The following CAMK2B variants were observed in gnomAD, a reference collection of about 807,000 sequenced individuals.
CAMK2B encodes calcium/calmodulin dependent protein kinase II beta.
CAMK2B carries 27 observed loss-of-function variants against 93.7 expected under a neutral mutation model. The observed-to-expected ratio is 0.29, with a 90% CI of 0.21 to 0.40. CAMK2B has a LOEUF of 0.40. CAMK2B is among the 10% of genes least tolerant of loss of function. The pLI is 1.00. For synonymous variants in CAMK2B, 374 were observed against 358.8 expected (o/e 1.04, Z -0.48); for missense variants, 568 against 895.8 (o/e 0.63, Z 4.67).
At chr7:44,319,315 T>C (rs1795505980) in intron 1 of CAMK2B, among the ~76,000 whole-genome samples, 2 of 152,202 alleles carry the variant, frequency 1.3e-5, no homozygotes, top group Non-Finnish European at 2.9e-5. Context: ...ATTGCACACT[T>C]ATCTCCACCT....
At chr7:44,267,907 C>CGAGCCCTGG (rs1452580428) in intron 2 of CAMK2B, 1 of 152,230 alleles carries the variant, frequency 6.6e-6, no homozygotes, top group African/African-American at 2.4e-5. Context: ...CGGGGAATGC[C>CGAGCCCTGG]GAGCCCTGGG....
chr7:44,320,822 C>T (rs761019362), intron 1 of CAMK2B, among the ~76,000 whole-genome samples: 2 of 152,218 alleles, frequency 1.3e-5, no homozygotes, highest in Non-Finnish European at 2.9e-5. Context: ...CAACTCACCC[C>T]TTCCCCACCT....
At position 44,224,299 on chromosome 7, in the gene CAMK2B, G is replaced by T. The variant is rs2128876718; in HGVS notation, c.1597+2217C>A. On this transcript the variant is annotated intron_variant, in intron 20 of 23. Coordinates refer to ENST00000395749, the MANE Select transcript of CAMK2B (RefSeq NM_001220.5). The surrounding 1 kb of genome is among the most constrained non-coding windows in gnomAD (Gnocchi z 4.4). ...CACTCTGCCTCCCCACATAGCACAT[G>T]GGAGCTTTTGTGTCCTTGATATCCA... Among the ~76,000 whole-genome samples, 1 of 152,334 alleles carries T rather than the reference G, an allele frequency of 6.6e-6. No individual in the cohort carries two copies. Among genetic ancestry groups the T allele is most frequent in the East Asian group, 1.9e-4 (1 of 5,194 alleles).
chr7:44,239,450 C>A (rs1021758305), intron 13 of CAMK2B, 139 bp downstream of exon 13: 9 of 704,536 alleles, frequency 1.3e-5, no homozygotes, highest in Non-Finnish European at 1.9e-5. Context: ...TGTGACCACA[C>A]GGGAGCAGGG....
At chr7:44,243,162 G>T in intron 8 of CAMK2B, 88 bp downstream of exon 8, 1 of 981,508 alleles carries the variant, frequency 1.0e-6, no homozygotes, top group Non-Finnish European at 1.6e-6. Context: ...AGAGCAAGAC[G>T]TGCTGGCCAC....
At chr7:44,258,110 G>A (rs1258588314) in intron 4 of CAMK2B, among the ~76,000 whole-genome samples, 1 of 152,256 alleles carries the variant, frequency 6.6e-6, no homozygotes, top group African/African-American at 2.4e-5. Flanking sequence ...AAAAGTGAGG[G>A]AGATGAGATC....
intron 2 of CAMK2B, among the ~76,000 whole-genome samples, chr7:44,277,603 G>A (rs533624691): frequency 1.3e-5 from 2 of 152,186 alleles, no homozygotes; most frequent in South Asian, 2.1e-4. Flanking sequence ...CTCAAGGAGT[G>A]AGCGAGGCCC....
At chr7:44,237,987 C>A (rs546763322) in intron 13 of CAMK2B, among the ~76,000 whole-genome samples, 2 of 152,212 alleles carry the variant, frequency 1.3e-5, no homozygotes, top group South Asian at 2.1e-4. Context: ...GCACACTCGA[C>A]AGACGGGGTC....
intron 2 of CAMK2B, 82 bp downstream of exon 2, chr7:44,284,049 G>A (rs113397249): frequency 9.8e-7 from 1 of 1,015,454 alleles, no homozygotes; most frequent in Non-Finnish European, 1.5e-6. Context: ...GGAGGGGCCT[G>A]CTGCCCAGTC....
At chr7:44,222,560 C>T (rs997228487) in intron 20 of CAMK2B, among the ~76,000 whole-genome samples, 12 of 152,164 alleles carry the variant, frequency 7.9e-5, no homozygotes, top group Admixed American at 3.3e-4. Context: ...CTCAGCCTCC[C>T]GAGTAGCTGG....
intron 2 of CAMK2B, among the ~76,000 whole-genome samples, chr7:44,280,393 C>T (rs2097092903): frequency 6.6e-6 from 1 of 152,146 alleles, no homozygotes. Flanking sequence ...GTGGTGCTAC[C>T]TCACACGTAT....
intron 2 of CAMK2B, among the ~76,000 whole-genome samples, chr7:44,270,133 T>G (rs1278534359): frequency 6.7e-6 from 1 of 148,396 alleles, no homozygotes; most frequent in African/African-American, 2.5e-5. Flanking sequence ...AGACCCCCCA[T>G]GGGCCCATCA....
At chr7:44,241,181 C>T (rs181395846) in intron 11 of CAMK2B, among the ~76,000 whole-genome samples, 20 of 152,236 alleles carry the variant, frequency 1.3e-4, no homozygotes, top group African/African-American at 4.1e-4. Flanking sequence ...GTCCCCATCC[C>T]GGAACCCACA....
intron 6 of CAMK2B, among the ~76,000 whole-genome samples, chr7:44,244,602 C>T (rs963229659): frequency 2.6e-5 from 4 of 152,058 alleles, no homozygotes; most frequent in African/African-American, 9.7e-5. Context: ...ATCACACTGC[C>T]GCTTGATGAG....
In CAMK2B at chr7:44,244,551, G is replaced by A. The variant is rs558095716; in HGVS notation, c.415-1024C>T. On this transcript the variant is annotated intron_variant, in intron 6 of 23. Coordinates refer to ENST00000395749, the MANE Select transcript of CAMK2B (RefSeq NM_001220.5). The stretch of plus-strand genomic sequence containing the variant: ...ACCCCTTTGCCCTGGTGAGTACCCC[G>A]CTGTCCTGGCACTGCTTCCATCTGA... 7.2e-5 allele frequency among the ~76,000 whole-genome samples: 11 copies of A among 152,056 alleles called. No homozygotes were observed. The East Asian group carries it at 1.6e-3, about 21-fold the overall frequency.
chr7:44,230,714 G>GCA (rs2096571079), intron 17 of CAMK2B, among the ~76,000 whole-genome samples: 1 of 152,218 alleles, frequency 6.6e-6, no homozygotes, highest in Non-Finnish European at 1.5e-5. Context: ...CTGTTTCCCC[G>GCA]TGAGGGTCCT....
chr7:44,287,859 G>T (rs563539854), intron 1 of CAMK2B, among the ~76,000 whole-genome samples: 1 of 152,198 alleles, frequency 6.6e-6, no homozygotes, highest in African/African-American at 2.4e-5. Flanking sequence ...CCTTAGGTTA[G>T]TTTACTTAAT....
chr7:44,263,210 T>A, intron 2 of CAMK2B, 146 bp from the exon 3 acceptor site: 1 of 670,626 alleles, frequency 1.5e-6, no homozygotes, highest in Non-Finnish European at 2.4e-6. Flanking sequence ...ACACCCTTCG[T>A]GGCACCCCCT....
intron 8 of CAMK2B, among the ~76,000 whole-genome samples, chr7:44,242,988 C>G (rs1271266848): frequency 3.3e-5 from 5 of 152,190 alleles, no homozygotes. Flanking sequence ...CCCATCCACC[C>G]ACCACACTTC....
Sources: gnomAD v4.1 joint callset for allele counts (sites outside exome capture counted in the v4.1 genomes callset) on GRCh38, gnomAD v4.1.1 for gene constraint, Gnocchi (gnomAD v3.1) non-coding constraint, MANE v1.5 for transcripts, NCBI Gene and HGNC (gene_info 2026-07-23, HGNC 2026-07-21) for gene names.